The following B3GNT4 variants were observed in gnomAD, a reference collection of about 807,000 sequenced individuals.
The protein encoded by B3GNT4 is UDP-GlcNAc:betaGal beta-1,3-N-acetylglucosaminyltransferase 4, also known as N-acetyllactosaminide beta-1,3-N-acetylglucosaminyltransferase 4.
Under a neutral mutation model 2.7 loss-of-function variants are expected in B3GNT4, and 2 were observed. The observed-to-expected ratio is 0.73, with a 90% CI of 0.30 to 2.31. The LOEUF is 2.31. B3GNT4 is among the 30% of genes most tolerant of loss of function. The pLI is 0.12. For synonymous variants in B3GNT4, 280 were observed against 203.4 expected (o/e 1.38, Z -3.20); for missense variants, 708 against 490.9 (o/e 1.44, Z -4.18).
Position 122,206,617 on chromosome 12 carries a change from G to A in B3GNT4, c.366G>A (p.Leu122=), listed in dbSNP as rs1953921732. 3 of 1,614,084 alleles carry A rather than the reference G, an allele frequency of 1.9e-6. No homozygotes were observed. Among genetic ancestry groups the A allele is most frequent in the Non-Finnish European group, 2.5e-6 (3 of 1,180,026 alleles). The change falls in exon 3 of 3, where the codon CTG becomes CTA. Residue 122 remains leucine, a synonymous_variant. Transcript: ENST00000324189. ...GTTCCAAGGATACCTTCTTGCTCCT[G>A]GCCATCAAGTCACAGCCTGGTCACG... ...SGCSKDTFLL[L]AIKSQPGHVE... is the part of the protein sequence containing the mutation.
chr12:122,206,721 T>A lies in B3GNT4; in HGVS notation c.470T>A (p.Phe157Tyr). Residue 157 changes from phenylalanine (F) to tyrosine (Y), a missense_variant, in exon 3 of 3, where the codon TTC becomes TAC. Phe to Tyr is a conservative substitution (Grantham distance 22). Coordinates refer to ENST00000324189, the MANE Select transcript of B3GNT4 (RefSeq NM_030765.4). ...WARGRQLKLV[F>Y]LLGVAGSAPP... Reference sequence around the variant, plus strand: ...AGGGGCCGGCAGCTGAAGCTGGTGTTCCTCCTAGGGGTGGCAGGATCCGCT... The same window carrying A: ...AGGGGCCGGCAGCTGAAGCTGGTGTACCTCCTAGGGGTGGCAGGATCCGCT... The A allele has an allele frequency of 6.2e-7, 1 of 1,609,294 alleles. No homozygotes were observed. Among genetic ancestry groups the A allele is most frequent in the Non-Finnish European group, 8.5e-7 (1 of 1,177,450 alleles).
intron 1 of B3GNT4, among the ~76,000 whole-genome samples, chr12:122,204,204 G>A (rs2095657362): frequency 6.6e-6 from 1 of 151,894 alleles, no homozygotes; most frequent in Non-Finnish European, 1.5e-5. Flanking sequence ...CCGCGCCAGG[G>A]CGTTTTGGGT....
In B3GNT4 at chr12:122,208,552, G is replaced by A. The variant is rs1302783190; in HGVS notation, c.*1164G>A. On this transcript the variant is annotated 3_prime_UTR_variant, in exon 3 of 3. Transcript: ENST00000324189. The stretch of plus-strand genomic sequence containing the variant: ...GTTTCACCAGCTGAATGTGATTCCT[G>A]GCGGTTATAGAGGCCTGATCTGCGC... 3 of 1,613,506 alleles carry A rather than the reference G, an allele frequency of 1.9e-6. No homozygotes were observed. Among genetic ancestry groups the A allele is most frequent in the Non-Finnish European group, 2.5e-6 (3 of 1,180,050 alleles).
Position 122,206,675 on chromosome 12 carries a change from G to A in B3GNT4, c.424G>A (p.Gly142Ser). The change falls in exon 3 of 3, where the codon GGC (glycine) becomes AGC (serine). Residue 142 changes from glycine (G) to serine (S), a missense_variant. By Grantham distance (56) the Gly-to-Ser change is moderately conservative. Transcript: ENST00000324189. ...ERRAAIRSTW[G>S]RVGGWARGRQ... ...ACGTGCGGCTATCCGCAGCACGTGG[G>A]GCAGGGTGGGGGGATGGGCTAGGGG... The A allele has an allele frequency of 6.2e-7, 1 of 1,613,188 alleles. No individual in the cohort carries two copies. Among genetic ancestry groups the A allele is most frequent in the Non-Finnish European group, 8.5e-7 (1 of 1,179,772 alleles).
chr12:122,208,684 G>GT lies in B3GNT4; in HGVS notation c.*1297dup. On this transcript the variant is annotated 3_prime_UTR_variant, in exon 3 of 3. Transcript: ENST00000324189. ...GGCTGTCATCTGAACCCCTCTTGGG[G>GT]TCACTTTCCTTGACCTCCCTGTCTT... is the stretch of plus-strand genomic sequence containing the variant. The GT allele has an allele frequency of 8.6e-7, 1 of 1,167,778 alleles. No individual in the cohort carries two copies. The highest frequency in any genetic ancestry group is 1.2e-6 in the Non-Finnish European group (1 of 808,092). The allele number at this position is 1,167,778 out of a possible 1,614,324, so 72.3% of individuals were successfully genotyped here.
Position 122,207,431 on chromosome 12 carries a change from T to C in B3GNT4, c.*43T>C, listed in dbSNP as rs143751930. ...AGCCTGAGAGTGGACTCAGTGTTGA[T>C]TCTCTATCGTGATGCGAAATTGATG... On this transcript the variant is annotated 3_prime_UTR_variant, in exon 3 of 3. Coordinates refer to ENST00000324189, the MANE Select transcript of B3GNT4 (RefSeq NM_030765.4). 3,726 of 1,482,698 alleles carry C rather than the reference T, an allele frequency of 2.5e-3. 81 individuals are homozygous for C. Among genetic ancestry groups the C allele is most frequent in the South Asian group, 0.023 (1,650 of 72,636 alleles). The allele number at this position is 1,482,698 out of a possible 1,614,324, so 91.8% of individuals were successfully genotyped here.
rs199738234 is a variant in B3GNT4, at chr12:122,208,548, T to C, written c.*1160T>C. On this transcript the variant is annotated 3_prime_UTR_variant, in exon 3 of 3. Transcript: ENST00000324189. ...TGCAGTTTCACCAGCTGAATGTGATTCCTGGCGGTTATAGAGGCCTGATCT... is the reference window on the plus strand; with the variant it reads ...TGCAGTTTCACCAGCTGAATGTGATCCCTGGCGGTTATAGAGGCCTGATCT... 4.3e-5 allele frequency: 69 copies of C among 1,613,626 alleles called. No homozygotes were observed. Among genetic ancestry groups the C allele is most frequent in the Non-Finnish European group, 5.3e-5 (63 of 1,180,032 alleles).
At chr12:122,204,210 T>G (rs904502980) in intron 1 of B3GNT4, among the ~76,000 whole-genome samples, 1 of 151,908 alleles carries the variant, frequency 6.6e-6, no homozygotes, top group African/African-American at 2.4e-5. Flanking sequence ...CAGGGCGTTT[T>G]GGGTCACCGA....
rs1389752677 is a variant in B3GNT4 at position 122,204,690 on chromosome 12, A to T, written c.66+6A>T. ...GGAGTGGCCTTTTACCAAAGGTCAG[A>T]TTCTTTCACCGCCTCTGCCAGACCC... On this transcript the variant is annotated splice_donor_region_variant and intron_variant, in intron 2 of 2. Coordinates refer to ENST00000324189, the MANE Select transcript of B3GNT4 (RefSeq NM_030765.4). 3 of 1,604,734 alleles carry T rather than the reference A, an allele frequency of 1.9e-6. No homozygotes were observed.
intron 2 of B3GNT4, 171 bp downstream of exon 2, chr12:122,204,855 C>A: frequency 1.7e-6 from 1 of 602,006 alleles, no homozygotes; most frequent in Non-Finnish European, 3.0e-6. Context: ...GCCCAGGCAA[C>A]AAAAGATACC....
intron 1 of B3GNT4, among the ~76,000 whole-genome samples, 200 bp from the exon 2 acceptor site, chr12:122,204,322 C>G (rs975334874): frequency 6.6e-6 from 1 of 151,804 alleles, no homozygotes; most frequent in South Asian, 2.1e-4. Flanking sequence ...GGTGGAGAGC[C>G]GGGCTCTGGG....
intron 1 of B3GNT4, 60 bp from the exon 2 acceptor site, chr12:122,204,462 C>T (rs868102115): frequency 4.3e-6 from 3 of 701,912 alleles, no homozygotes; most frequent in African/African-American, 3.5e-5. Flanking sequence ...AACCAAGCCA[C>T]CTGCTGTGCG....
In B3GNT4 at chr12:122,207,669, C is replaced by T; in HGVS notation, c.*281C>T. 3.1e-6 allele frequency: 2 copies of T among 635,674 alleles called. No individual in the cohort carries two copies. The highest frequency in any genetic ancestry group is 1.5e-5 in the South Asian group (1 of 65,672). The allele number at this position is 635,674 out of a possible 1,614,324, so 39.4% of individuals were successfully genotyped here. A position where few individuals can be genotyped will look rare whatever the true frequency, so the allele number is the denominator to read the frequency against. ...TCAAGGAAGGAGGCTGCATAGGACC[C>T]CAGGAGAGACGCATTTTCTCTTTCA... On this transcript the variant is annotated 3_prime_UTR_variant, in exon 3 of 3. Coordinates refer to ENST00000324189, the MANE Select transcript of B3GNT4 (RefSeq NM_030765.4).
In B3GNT4 at chr12:122,206,785, T is replaced by C. The variant is rs1216275673; in HGVS notation, c.534T>C (p.Phe178=). The change falls in exon 3 of 3, where the codon TTT becomes TTC. Residue 178 remains phenylalanine, a synonymous_variant. Coordinates refer to ENST00000324189, the MANE Select transcript of B3GNT4 (RefSeq NM_030765.4). The part of the protein sequence containing the change: ...AQLLAYESRE[F]DDILQWDFTE... ...TGCTGGCCTATGAGAGTAGGGAGTTTGATGACATCCTCCAGTGGGACTTCA... is the reference window on the plus strand; with the variant it reads ...TGCTGGCCTATGAGAGTAGGGAGTTCGATGACATCCTCCAGTGGGACTTCA... 6.2e-7 allele frequency: 1 copy of C among 1,608,454 alleles called. No homozygotes were observed. Among genetic ancestry groups the C allele is most frequent in the Non-Finnish European group, 8.5e-7 (1 of 1,176,964 alleles).
At chr12:122,204,066 C>T (rs1441888520) in intron 1 of B3GNT4, among the ~76,000 whole-genome samples, 2 of 151,902 alleles carry the variant, frequency 1.3e-5, no homozygotes, top group Non-Finnish European at 1.5e-5. Context: ...CCAGCCTGGG[C>T]CGCCCGCGCC....
rs1566017557 is a variant in B3GNT4 at position 122,207,146 on chromosome 12, G to C, written c.895G>C (p.Glu299Gln). The C allele has an allele frequency of 6.2e-7, 1 of 1,614,068 alleles. No homozygotes were observed. The highest frequency in any genetic ancestry group is 1.1e-5 in the South Asian group (1 of 91,052). Residue 299 changes from glutamate (E) to glutamine (Q), a missense_variant, in exon 3 of 3, where the codon GAA becomes CAA. Transcript: ENST00000324189. Reference protein sequence around the residue: ...RRLQAIMEDAELFPIDDVFVG... With the variant: ...RRLQAIMEDAQLFPIDDVFVG... ...CCTCCAGGCTATCATGGAAGATGCTGAACTCTTCCCCATTGATGATGTCTT... is the reference window on the plus strand; with the variant it reads ...CCTCCAGGCTATCATGGAAGATGCTCAACTCTTCCCCATTGATGATGTCTT...
At position 122,207,954 on chromosome 12, in the gene B3GNT4, C is replaced by T. The variant is rs1207376711; in HGVS notation, c.*566C>T. On this transcript the variant is annotated 3_prime_UTR_variant, in exon 3 of 3. Transcript: ENST00000324189. ...AATCGTACAAACTGGACAGGTTCCC[C>T]TCCCCCTGCCACAACTGGCATCCCA... The T allele has an allele frequency of 4.3e-6, 2 of 465,346 alleles. No individual in the cohort carries two copies. The highest frequency in any genetic ancestry group is 4.3e-6 in the Non-Finnish European group (1 of 234,932). 28.8% of individuals were successfully genotyped at this position (465,346 alleles called of 1,614,324 possible).
In B3GNT4 at chr12:122,207,659, G is replaced by A. The variant is rs1312503519; in HGVS notation, c.*271G>A. ...GTCTGGGACCTCAAGGAAGGAGGCTGCATAGGACCCCAGGAGAGACGCATT... is the reference window on the plus strand; with the variant it reads ...GTCTGGGACCTCAAGGAAGGAGGCTACATAGGACCCCAGGAGAGACGCATT... On this transcript the variant is annotated 3_prime_UTR_variant, in exon 3 of 3. Coordinates refer to ENST00000324189, the MANE Select transcript of B3GNT4 (RefSeq NM_030765.4). 1 of 644,544 alleles carries A rather than the reference G, an allele frequency of 1.6e-6. No homozygotes were observed. The highest frequency in any genetic ancestry group is 2.1e-5 in the Admixed American group (1 of 47,364). The allele number at this position is 644,544 out of a possible 1,614,324, so 39.9% of individuals were successfully genotyped here.
At position 122,203,724 on chromosome 12, in the gene B3GNT4, G is replaced by T. The variant is rs1953876600; in HGVS notation, c.-175G>T. 2 of 283,932 alleles carry T rather than the reference G, an allele frequency of 7.0e-6. No individual in the cohort carries two copies. Among genetic ancestry groups the T allele is most frequent in the East Asian group, 1.2e-4 (2 of 16,312 alleles). 17.6% of individuals were successfully genotyped at this position (283,932 alleles called of 1,614,324 possible). On this transcript the variant is annotated 5_prime_UTR_variant, in exon 1 of 3. Transcript: ENST00000324189. ...AGCCCCGCCCACTCCCGAGCCCCGAGAGCTCCGCGCACCTGGGCGCCATCC... is the reference window on the plus strand; with the variant it reads ...AGCCCCGCCCACTCCCGAGCCCCGATAGCTCCGCGCACCTGGGCGCCATCC...
Sources: gnomAD v4.1 joint callset for allele counts (sites outside exome capture counted in the v4.1 genomes callset) on GRCh38, gnomAD v4.1.1 for gene constraint, MANE v1.5 for transcripts, NCBI Gene and HGNC (gene_info 2026-07-23, HGNC 2026-07-21) for gene names.